CADM2: variants seen among roughly 807,000 people sequenced by gnomAD.
CADM2 encodes the protein immunoglobulin superfamily member 4D.
In CADM2, 12 loss-of-function variants were observed where a neutral mutation model predicts 49.8. The ratio of observed to expected loss-of-function variants is 0.24; its 90% confidence interval spans 0.15 to 0.39. The LOEUF (loss-of-function observed/expected upper bound fraction) is 0.39, where lower values mean the gene tolerates loss of function less well. CADM2 is among the 10% of genes least tolerant of loss of function. The probability of loss-of-function intolerance (pLI) is 1.00; values close to 1 mark genes in which losing one functional copy is unlikely to be tolerated. For synonymous variants in CADM2, 214 were observed against 175.4 expected, an observed-to-expected ratio of 1.22 and a Z score of -1.74; for missense variants, 378 against 492.3, an observed-to-expected ratio of 0.77 and a Z score of 2.20.
intron 1 of CADM2, among the ~76,000 whole-genome samples, chr3:85,098,948 A>G (rs1258259498): frequency 1.3e-5 from 2 of 152,186 alleles, no homozygotes; most frequent in African/African-American, 4.8e-5. Context: ...TGGGCACACT[A>G]CTATTGACAA....
intron 5 of CADM2, among the ~76,000 whole-genome samples, chr3:85,900,310 G>A (rs1715936760): frequency 6.6e-6 from 1 of 151,992 alleles, no homozygotes; most frequent in Non-Finnish European, 1.5e-5. Context: ...CAACCTTTTT[G>A]CTTGTTTAAG....
intron 5 of CADM2, among the ~76,000 whole-genome samples, chr3:85,886,642 T>C (rs898139660): frequency 6.6e-6 from 1 of 152,124 alleles, no homozygotes; most frequent in Admixed American, 6.5e-5. Flanking sequence ...TAGTACATAT[T>C]AGATACTATT....
intron 2 of CADM2, among the ~76,000 whole-genome samples, chr3:85,797,259 T>C (rs1354486971): frequency 3.3e-5 from 5 of 152,140 alleles, no homozygotes; most frequent in African/African-American, 1.2e-4. Context: ...TTTAGAACTT[T>C]ATAATTTTTT....
chr3:85,855,329 C>G lies in CADM2; in HGVS notation c.239-27962C>G, dbSNP rs1045579594. 2.6e-5 allele frequency among the ~76,000 whole-genome samples: 4 copies of G among 151,924 alleles called. No homozygotes were observed. In the East Asian group the frequency reaches 5.8e-4, roughly 22 times the overall value. The stretch of plus-strand genomic sequence containing the variant: ...ATTTCTTGAGGGTACCATGCACTGC[C>G]CTTCAGAGGAGCCTAACAAATAAAA... On this transcript the variant is annotated intron_variant, in intron 3 of 9. Coordinates refer to ENST00000383699, the MANE Select transcript of CADM2 (RefSeq NM_001167675.2).
In CADM2 at chr3:85,197,244, G is replaced by GA. The variant is rs199665106; in HGVS notation, c.61+237585dup. Among the ~76,000 whole-genome samples the GA allele has an allele frequency of 1.5e-3, 231 of 149,460 alleles. 5 individuals carry two copies. The East Asian group carries it at 0.034, about 22-fold the overall frequency. On this transcript the variant is annotated intron_variant, in intron 1 of 9. Coordinates refer to ENST00000383699, the MANE Select transcript of CADM2 (RefSeq NM_001167675.2). ...GGACTTATTTCTAGTTAGAGGTAGA[G>GA]AAAAAAAAACACATCCTACATAATT... is the stretch of plus-strand genomic sequence containing the variant.
intron 7 of CADM2, among the ~76,000 whole-genome samples, chr3:85,939,893 T>C (rs989742669): frequency 2.0e-5 from 3 of 150,104 alleles, no homozygotes; most frequent in Non-Finnish European, 3.0e-5. Flanking sequence ...ACATACTATA[T>C]AGCAACTAGT....
At chr3:85,896,154 G>A (rs1382580835) in intron 5 of CADM2, among the ~76,000 whole-genome samples, 1 of 152,036 alleles carries the variant, frequency 6.6e-6, no homozygotes, top group Non-Finnish European at 1.5e-5. Context: ...AGCTGGGTGT[G>A]GTGGCACATT....
intron 1 of CADM2, among the ~76,000 whole-genome samples, chr3:85,680,501 G>A (rs980666773): frequency 6.6e-6 from 1 of 152,126 alleles, no homozygotes; most frequent in African/African-American, 2.4e-5. Flanking sequence ...TCTCTGCAAT[G>A]TTCCTTGGTG....
intron 1 of CADM2, among the ~76,000 whole-genome samples, chr3:85,679,873 G>A (rs987554544): frequency 2.0e-5 from 3 of 151,962 alleles, no homozygotes; most frequent in African/African-American, 4.8e-5. Flanking sequence ...CCTCTCTATT[G>A]GGTATTAGTC....
intron 2 of CADM2, among the ~76,000 whole-genome samples, chr3:85,789,554 T>A (rs2071205808): frequency 6.6e-6 from 1 of 152,178 alleles, no homozygotes; most frequent in Non-Finnish European, 1.5e-5. Context: ...CATTACAATA[T>A]TTGAAGATAC....
chr3:85,658,576 G>GTGCATATATA (rs1460728518), intron 1 of CADM2, among the ~76,000 whole-genome samples: 1 of 68,754 alleles, frequency 1.5e-5, no homozygotes, highest in Non-Finnish European at 2.7e-5. Context: ...GGATATATGT[G>GTGCATATATA]TATATATATA....
intron 1 of CADM2, among the ~76,000 whole-genome samples, chr3:85,025,096 T>A (rs988441024): frequency 6.6e-5 from 10 of 152,148 alleles, no homozygotes; most frequent in African/African-American, 2.4e-4. Context: ...AAAATATAAT[T>A]ACACTACTTA....
intron 7 of CADM2, among the ~76,000 whole-genome samples, chr3:85,949,425 T>C (rs1368924591): frequency 6.6e-6 from 1 of 151,076 alleles, no homozygotes; most frequent in Non-Finnish European, 1.5e-5. Flanking sequence ...TTGCAGAAAT[T>C]TAGGGGAAAA....
chr3:85,558,314 G>C (rs9810393), intron 1 of CADM2, among the ~76,000 whole-genome samples: 170 of 152,106 alleles, frequency 1.1e-3, no homozygotes, highest in African/African-American at 3.9e-3. Flanking sequence ...GCCAAAGATG[G>C]TTTAGCTTTC....
At chr3:85,610,062 A>G (rs539350137) in intron 1 of CADM2, among the ~76,000 whole-genome samples, 2 of 152,126 alleles carry the variant, frequency 1.3e-5, no homozygotes, top group South Asian at 2.1e-4. Context: ...GGTAAAAATG[A>G]TATGTATATT....
intron 1 of CADM2, among the ~76,000 whole-genome samples, chr3:85,259,631 T>A (rs372623904): frequency 1.3e-5 from 2 of 152,150 alleles, no homozygotes; most frequent in African/African-American, 4.8e-5. Flanking sequence ...AGCTCATACA[T>A]TGCTTTTGAG....
At chr3:85,169,682 G>T (rs1378638806) in intron 1 of CADM2, among the ~76,000 whole-genome samples, 1 of 152,162 alleles carries the variant, frequency 6.6e-6, no homozygotes, top group African/African-American at 2.4e-5. Flanking sequence ...TGAGGCAGGA[G>T]AATTGCTTGT....
At chr3:85,586,521 A>G (rs2107320411) in intron 1 of CADM2, among the ~76,000 whole-genome samples, 1 of 152,242 alleles carries the variant, frequency 6.6e-6, no homozygotes, top group South Asian at 2.1e-4. Context: ...TTTCATTAGA[A>G]AAGATGATTT....
At chr3:85,415,192 A>G (rs2035858750) in intron 1 of CADM2, among the ~76,000 whole-genome samples, 1 of 152,156 alleles carries the variant, frequency 6.6e-6, no homozygotes, top group Admixed American at 6.5e-5. Flanking sequence ...AGAAAGACAT[A>G]TTTGGCACAA....
Sources: gnomAD v4.1 joint callset for allele counts (sites outside exome capture counted in the v4.1 genomes callset) on GRCh38, gnomAD v4.1.1 for gene constraint, MANE v1.5 for transcripts, NCBI Gene and HGNC (gene_info 2026-07-23, HGNC 2026-07-21) for gene names.